The following PRDM15 variants were observed in gnomAD, a reference collection of about 807,000 sequenced individuals.
PRDM15 encodes the protein PR/SET domain 15.
Under a neutral mutation model 128.6 loss-of-function variants are expected in PRDM15, and 64 were observed. The observed-to-expected ratio is 0.50, with a 90% confidence interval of 0.41 to 0.61. PRDM15 has a LOEUF of 0.61. PRDM15 is among the 20% of genes least tolerant of loss of function. PRDM15 has a pLI of 0.00. For missense variants in PRDM15, 1,242 were observed against 1,569.1 expected (o/e 0.79, Z 3.52); for synonymous variants, 615 against 621.8 (o/e 0.99, Z 0.16).
At chr21:41,861,238 C>T (rs77532587) in intron 1 of PRDM15, among the ~76,000 whole-genome samples, 2,066 of 152,316 alleles carry the variant, frequency 0.014, 34 homozygotes, top group East Asian at 0.063. Context: ...TAAATCAATG[C>T]GTGACGTTGT....
Position 41,837,945 on chromosome 21 carries a change from G to C in PRDM15, c.990C>G (p.Ser330Arg). ...CAGGCAGGACTTACTTTGGAACCGA[G>C]CTGGTGTCAGTGGTGGTGGTGGCCA... ...GKLATTTTDT[S>R]SVPKFTHHQN... Residue 330 changes from serine to arginine, a missense_variant, in exon 8 of 24, where the codon AGC (serine) becomes AGG (arginine). Coordinates refer to ENST00000398548, the MANE Select transcript of PRDM15 (RefSeq NM_001040424.3). 1.2e-6 allele frequency: 2 copies of C among 1,614,214 alleles called. No individual in the cohort carries two copies. The highest frequency in any genetic ancestry group is 1.7e-6 in the Non-Finnish European group (2 of 1,180,034).
Position 41,825,969 on chromosome 21 carries a change from C to G in PRDM15, c.1620G>C (p.Val540=). ...RYKKEPSGCP[V]CGKVFSCRSN... ...GGACTGCGAGCATTACCTTGCCACA[C>G]ACCGGGCACCCGGAAGGCTCCTTCT... Residue 540 remains valine (V), a synonymous_variant, in exon 13 of 24, where the codon GTG becomes GTC. Transcript: ENST00000398548. The G allele has an allele frequency of 6.2e-7, 1 of 1,613,526 alleles. No homozygotes were observed. Among genetic ancestry groups the G allele is most frequent in the Non-Finnish European group, 8.5e-7 (1 of 1,179,498 alleles).
intron 1 of PRDM15, chr21:41,861,526 C>T (rs2063807766): frequency 6.6e-7 from 1 of 1,516,458 alleles, no homozygotes; most frequent in Non-Finnish European, 9.0e-7. Flanking sequence ...AATGATTATT[C>T]CTCCTCTGCC....
chr21:41,804,962 G>A (rs1285909166), intron 21 of PRDM15, among the ~76,000 whole-genome samples: 1 of 152,218 alleles, frequency 6.6e-6, no homozygotes, highest in Non-Finnish European at 1.5e-5. Context: ...CCACAGCAAG[G>A]TAAAGATACA....
intron 1 of PRDM15, among the ~76,000 whole-genome samples, chr21:41,866,553 C>G (rs17766544): frequency 0.058 from 8,792 of 152,312 alleles, 340 homozygotes; most frequent in Middle Eastern, 0.13. Flanking sequence ...TCCTGGTTCA[C>G]GTACTTGAAA....
chr21:41,858,478 G>A (rs986439311), intron 3 of PRDM15, among the ~76,000 whole-genome samples: 1 of 151,644 alleles, frequency 6.6e-6, no homozygotes, highest in African/African-American at 2.4e-5. Flanking sequence ...AGGCCCCTCC[G>A]ACAGAGGCGG....
At position 41,837,919 on chromosome 21, in the gene PRDM15, C is replaced by T; in HGVS notation, c.1001+15G>A. The stretch of plus-strand genomic sequence containing the variant: ...TCTGTCCACAGGACGGCCCCAGGTG[C>T]CAGGCAGGACTTACTTTGGAACCGA... On this transcript the variant is annotated intron_variant, in intron 8 of 23. Coordinates refer to ENST00000398548, the MANE Select transcript of PRDM15 (RefSeq NM_001040424.3). The T allele has an allele frequency of 6.2e-7, 1 of 1,614,040 alleles. No individual in the cohort carries two copies.
chr21:41,853,315 C>T (rs1444344546), intron 5 of PRDM15, among the ~76,000 whole-genome samples: 1 of 152,122 alleles, frequency 6.6e-6, no homozygotes, highest in Non-Finnish European at 1.5e-5. Context: ...CTTAAGCTAC[C>T]GAGCTACTAA....
chr21:41,801,823 C>T (rs2236697), intron 23 of PRDM15, 101 bp from the exon 24 acceptor site: 323,963 of 1,289,432 alleles, frequency 0.25, 43,264 homozygotes, highest in South Asian at 0.44. Context: ...CAAAGAAGCA[C>T]GACATTCTTT....
rs537368832 is a variant in PRDM15 at position 41,828,697 on chromosome 21, A to G, written c.1367-364T>C. On this transcript the variant is annotated intron_variant, in intron 11 of 23. Coordinates refer to ENST00000398548, the MANE Select transcript of PRDM15 (RefSeq NM_001040424.3). This position sits in a 1 kb window ranked among gnomAD's most constrained non-coding sequence, Gnocchi z 5.7. Reference sequence around the variant, plus strand: ...CCTGGGCCTGCACCCTCCACCCAGCATGACTGACTGACAGATAGAATGACC... The same window carrying G: ...CCTGGGCCTGCACCCTCCACCCAGCGTGACTGACTGACAGATAGAATGACC... Among the ~76,000 whole-genome samples the G allele has an allele frequency of 1.1e-3, 172 of 151,990 alleles. 1 individual carries two copies. Among genetic ancestry groups the G allele is most frequent in the African/African-American group, 4.0e-3 (165 of 41,396 alleles).
intron 11 of PRDM15, among the ~76,000 whole-genome samples, chr21:41,829,066 TAC>T (rs2062584283): frequency 9.7e-6 from 1 of 103,400 alleles, no homozygotes; most frequent in Admixed American, 1.1e-4. Context: ...ACACACACCA[TAC>T]ACACACCACA....
intron 6 of PRDM15, among the ~76,000 whole-genome samples, chr21:41,846,624 C>T (rs1408567339): frequency 6.6e-6 from 1 of 152,208 alleles, no homozygotes; most frequent in Non-Finnish European, 1.5e-5. Flanking sequence ...TTGAGCCTGT[C>T]AGGTCAAGGC....
chr21:41,847,332 C>T (rs2063298165), intron 5 of PRDM15, 141 bp from the exon 6 acceptor site: 2 of 596,194 alleles, frequency 3.4e-6, no homozygotes, highest in Non-Finnish European at 3.0e-6. Context: ...TGTGGTCACT[C>T]CACATGACAG....
intron 1 of PRDM15, chr21:41,875,077 G>A (rs2064362943): frequency 6.6e-6 from 1 of 152,312 alleles, no homozygotes; most frequent in Non-Finnish European, 1.5e-5. Flanking sequence ...GCTTCAGCAG[G>A]GTCCCTGCCC....
intron 5 of PRDM15, among the ~76,000 whole-genome samples, chr21:41,851,228 C>T (rs2063418808): frequency 6.6e-6 from 1 of 152,226 alleles, no homozygotes; most frequent in South Asian, 2.1e-4. Flanking sequence ...TACGCAGTTA[C>T]CCTAGAACTC....
intron 18 of PRDM15, among the ~76,000 whole-genome samples, chr21:41,816,822 G>T (rs554301342): frequency 2.0e-5 from 3 of 151,898 alleles, no homozygotes; most frequent in African/African-American, 7.3e-5. Context: ...GGGTGGGGAC[G>T]GCACCTGCAG....
At chr21:41,853,237 G>A (rs2063482186) in intron 5 of PRDM15, among the ~76,000 whole-genome samples, 1 of 152,196 alleles carries the variant, frequency 6.6e-6, no homozygotes, top group Non-Finnish European at 1.5e-5. Flanking sequence ...GACAACCAGG[G>A]GCATTTTACA....
At chr21:41,865,926 G>A (rs1399333033) in intron 1 of PRDM15, among the ~76,000 whole-genome samples, 1 of 151,944 alleles carries the variant, frequency 6.6e-6, no homozygotes, top group Non-Finnish European at 1.5e-5. Context: ...TTAATTTTTT[G>A]TAGAGATTTG....
chr21:41,811,048 C>CA lies in PRDM15; in HGVS notation c.2393-213dup. ...ATGCTTCCATAGTGACATTTCATAT[C>CA]AAAAAAACATGAGATGTGGGAAAGG... On this transcript the variant is annotated intron_variant, in intron 19 of 23. Transcript: ENST00000398548. The surrounding 1 kb of genome is among the most constrained non-coding windows in gnomAD (Gnocchi z 4.1). 9.4e-6 allele frequency: 5 copies of CA among 530,554 alleles called. No homozygotes were observed. In the South Asian group the frequency reaches 1.3e-4, roughly 14 times the overall value. 32.9% of individuals were successfully genotyped at this position (530,554 alleles called of 1,614,324 possible).
Sources: gnomAD v4.1 joint callset for allele counts (sites outside exome capture counted in the v4.1 genomes callset) on GRCh38, gnomAD v4.1.1 for gene constraint, Gnocchi (gnomAD v3.1) non-coding constraint, MANE v1.5 for transcripts, NCBI Gene and HGNC (gene_info 2026-07-23, HGNC 2026-07-21) for gene names.